ANKDD1A: variants seen among roughly 807,000 people sequenced by gnomAD.
ANKDD1A encodes the protein ankyrin repeat and death domain-containing protein 1A.
In ANKDD1A, 59 loss-of-function variants were observed where a neutral mutation model predicts 63.5. The observed-to-expected ratio is 0.93, with a 90% confidence interval of 0.75 to 1.15. ANKDD1A has a LOEUF of 1.15. Ranked by LOEUF, ANKDD1A falls within the 50% of genes most tolerant of loss-of-function variation. The pLI is 0.00. For synonymous variants in ANKDD1A, 266 were observed against 263.9 expected (o/e 1.01, Z -0.08); for missense variants, 632 against 656.4 (o/e 0.96, Z 0.41).
intron 14 of ANKDD1A, among the ~76,000 whole-genome samples, chr15:64,954,333 T>TTC (rs2140393019): frequency 1.7e-5 from 2 of 117,412 alleles, no homozygotes; most frequent in East Asian, 2.4e-4. Flanking sequence ...TTCTTCCTTC[T>TTC]TCTTCCTCCT....
chr15:64,952,198 T>G (rs1238691029), intron 14 of ANKDD1A, among the ~76,000 whole-genome samples: 1 of 150,566 alleles, frequency 6.6e-6, no homozygotes, highest in Non-Finnish European at 1.5e-5. Context: ...TTTTTCTTCT[T>G]CTTCTTTCCT....
At chr15:64,953,641 CTCTTCCTTCTCCTTCTTTTCTT>C (rs2085352846) in intron 14 of ANKDD1A, among the ~76,000 whole-genome samples, 1 of 4,062 alleles carries the variant, frequency 2.5e-4, no homozygotes. Flanking sequence ...CTTCTTCTTC[CTCTTCCTTCTCCTTCTTTTCTT>C]TCTTCTCCTT....
chr15:64,946,969 T>A (rs1200641034), intron 12 of ANKDD1A, among the ~76,000 whole-genome samples: 4 of 152,178 alleles, frequency 2.6e-5, no homozygotes, highest in African/African-American at 4.8e-5. Flanking sequence ...AATCCCACCC[T>A]TTACTACCCC....
intron 1 of ANKDD1A, among the ~76,000 whole-genome samples, chr15:64,913,153 A>G (rs2084945270): frequency 6.6e-6 from 1 of 152,230 alleles, no homozygotes; most frequent in African/African-American, 2.4e-5. Flanking sequence ...AACCAGGCCA[A>G]TCCCCCTAAG....
At chr15:64,930,422 T>C (rs1414100761) in intron 6 of ANKDD1A, among the ~76,000 whole-genome samples, 1 of 152,054 alleles carries the variant, frequency 6.6e-6, no homozygotes, top group African/African-American at 2.4e-5. Context: ...GGGCAGGCCA[T>C]GCTACTCAAT....
At chr15:64,925,227 CAAAAAAAAAAA>C (rs769786433) in intron 4 of ANKDD1A, among the ~76,000 whole-genome samples, 1 of 42,598 alleles carries the variant, frequency 2.3e-5, no homozygotes, top group Non-Finnish European at 5.2e-5. Context: ...GACTCCGACT[CAAAAAAAAAAA>C]AAAAAAAAAA....
intron 6 of ANKDD1A, 54 bp downstream of exon 6, chr15:64,927,053 T>G (rs2085050937): frequency 1.3e-6 from 2 of 1,588,208 alleles, no homozygotes; most frequent in Non-Finnish European, 1.7e-6. Context: ...ACTTGCCACC[T>G]TCCAGGCTCT....
intron 1 of ANKDD1A, among the ~76,000 whole-genome samples, chr15:64,915,220 G>A (rs2084959920): frequency 6.6e-6 from 1 of 152,134 alleles, no homozygotes; most frequent in African/African-American, 2.4e-5. Flanking sequence ...TGGGAGAATC[G>A]CTTGAACCTG....
Position 64,947,534 on chromosome 15 carries a change from T to C in ANKDD1A, c.1292T>C (p.Leu431Pro), listed in dbSNP as rs770872211. 8 of 1,614,134 alleles carry C rather than the reference T, an allele frequency of 5.0e-6. No individual in the cohort carries two copies. The highest frequency in any genetic ancestry group is 6.8e-6 in the Non-Finnish European group (8 of 1,180,000). ...RYLQPREWKKLAYSWEFTEAH... is the reference protein window; with the variant it reads ...RYLQPREWKKPAYSWEFTEAH... Reference sequence around the variant, plus strand: ...CTGCAGCCCCGTGAGTGGAAGAAGCTGGCATATTCCTGGGAGTTCACGGAG... The same window carrying C: ...CTGCAGCCCCGTGAGTGGAAGAAGCCGGCATATTCCTGGGAGTTCACGGAG... The change falls in exon 13 of 15, where the codon CTG (leucine) becomes CCG (proline). Residue 431 changes from leucine to proline, a missense_variant. Coordinates refer to ENST00000319580, the MANE Select transcript of ANKDD1A (RefSeq NM_182703.6).
chr15:64,934,095 G>A, intron 8 of ANKDD1A, 41 bp from the exon 9 acceptor site: 1 of 1,536,318 alleles, frequency 6.5e-7, no homozygotes, highest in Non-Finnish European at 8.9e-7. Context: ...CTCAGTAGGA[G>A]GGGTCCTTGT....
Position 64,955,714 on chromosome 15 carries a change from T to C in ANKDD1A, c.1484-1389T>C, listed in dbSNP as rs112649749. ...GAAAAGCTTACCTCAAAGTTCTGCA[T>C]TGAGCCTGAGACTGGAAAGGAGATA... is the stretch of plus-strand genomic sequence containing the variant. On this transcript the variant is annotated intron_variant, in intron 14 of 14. Transcript: ENST00000319580. 7.7e-3 allele frequency among the ~76,000 whole-genome samples: 1,176 copies of C among 152,270 alleles called. 52 individuals carry two copies. In the South Asian group the frequency reaches 0.12, roughly 16 times the overall value.
Position 64,957,222 on chromosome 15 carries a change from T to C in ANKDD1A, c.*34T>C, listed in dbSNP as rs1174939521. ...ACAGGTGCATGCCATCACAGCTGGCTAATTTTTGTATTTTTAGTAGAGATG... is the reference window on the plus strand; with the variant it reads ...ACAGGTGCATGCCATCACAGCTGGCCAATTTTTGTATTTTTAGTAGAGATG... On this transcript the variant is annotated 3_prime_UTR_variant, in exon 15 of 15. Transcript: ENST00000319580. The C allele has an allele frequency of 1.2e-5, 4 of 326,222 alleles. No individual in the cohort carries two copies. Among genetic ancestry groups the C allele is most frequent in the African/African-American group, 9.2e-5 (4 of 43,672 alleles). The allele number at this position is 326,222 out of a possible 1,614,324, so 20.2% of individuals were successfully genotyped here.
At chr15:64,921,864 C>G (rs1244212702) in intron 3 of ANKDD1A, 57 bp from the exon 4 acceptor site, 17 of 1,508,670 alleles carry the variant, frequency 1.1e-5, no homozygotes, top group Non-Finnish European at 1.6e-5. Flanking sequence ...CAGGGCCTGG[C>G]TGGCACAGCC....
chr15:64,927,038 G>T, intron 6 of ANKDD1A, 39 bp downstream of exon 6: 1 of 1,607,696 alleles, frequency 6.2e-7, no homozygotes, highest in East Asian at 2.2e-5. Context: ...TGACCAGGGT[G>T]CAAAACTTGC....
chr15:64,952,103 TCTTTTC>T (rs1370214956), intron 14 of ANKDD1A, among the ~76,000 whole-genome samples: 16 of 24,508 alleles, frequency 6.5e-4, no homozygotes, highest in African/African-American at 1.1e-3. Flanking sequence ...TCTTCTTCCT[TCTTTTC>T]TTCTTCTTTC....
intron 3 of ANKDD1A, among the ~76,000 whole-genome samples, chr15:64,920,582 C>T (rs1300577642): frequency 6.6e-6 from 1 of 152,156 alleles, no homozygotes; most frequent in Non-Finnish European, 1.5e-5. Flanking sequence ...GAGAGGCTCT[C>T]ACTCCATTGC....
chr15:64,915,349 T>A (rs1207289221), intron 1 of ANKDD1A, among the ~76,000 whole-genome samples: 3 of 152,166 alleles, frequency 2.0e-5, no homozygotes, highest in Non-Finnish European at 4.4e-5. Context: ...GGGGTAAACA[T>A]GCCTCTGGCC....
At chr15:64,945,609 TA>T (rs2085216729) in intron 12 of ANKDD1A, among the ~76,000 whole-genome samples, 2,606 of 75,214 alleles carry the variant, frequency 0.035, 111 homozygotes, top group Admixed American at 0.059. Flanking sequence ...ATTTTCAACA[TA>T]TATATATATA....
intron 14 of ANKDD1A, among the ~76,000 whole-genome samples, chr15:64,952,118 TCTTCTC>T (rs2085298803): frequency 6.4e-4 from 8 of 12,498 alleles, no homozygotes; most frequent in Non-Finnish European, 3.6e-3. Context: ...TCTTCTTCTT[TCTTCTC>T]TTTCTTCTTC....
Sources: allele counts gnomAD v4.1 joint callset (sites outside exome capture counted in the v4.1 genomes callset), GRCh38; gene constraint gnomAD v4.1.1; transcripts MANE v1.5; gene names NCBI Gene and HGNC (gene_info 2026-07-23, HGNC 2026-07-21).